ZNF385B: variants seen among roughly 807,000 people sequenced by gnomAD.
ZNF385B encodes zinc finger protein 533.
In ZNF385B, 23 loss-of-function variants were observed where a neutral mutation model predicts 39.2. The observed-to-expected ratio is 0.59, with a 90% CI of 0.42 to 0.83. The LOEUF (loss-of-function observed/expected upper bound fraction) is 0.83. ZNF385B is among the 40% of genes least tolerant of loss of function. The pLI, the probability that ZNF385B is intolerant of heterozygous loss-of-function variation, is 0.00. For missense variants in ZNF385B, 552 were observed against 598.9 expected (o/e 0.92, Z 0.82); for synonymous variants, 205 against 222.6 (o/e 0.92, Z 0.70).
intron 3 of ZNF385B, among the ~76,000 whole-genome samples, chr2:179,685,312 C>T (rs1697836398): frequency 6.6e-6 from 1 of 152,184 alleles, no homozygotes; most frequent in African/African-American, 2.4e-5. Context: ...TCCAGATCAT[C>T]AATCTTCATT....
At chr2:179,540,563 A>T (rs2059856815) in intron 4 of ZNF385B, among the ~76,000 whole-genome samples, 1 of 152,232 alleles carries the variant, frequency 6.6e-6, no homozygotes. Flanking sequence ...GCCTGGTCTT[A>T]GAAGGGACTC....
At chr2:179,638,939 T>A (rs1227710653) in intron 3 of ZNF385B, among the ~76,000 whole-genome samples, 41 of 151,888 alleles carry the variant, frequency 2.7e-4, no homozygotes, top group African/African-American at 8.7e-4. Flanking sequence ...TGGGAAATGG[T>A]CAGGGTCAGT....
In ZNF385B at chr2:179,769,671, T is replaced by C. The variant is rs770399822; in HGVS notation, c.130A>G (p.Lys44Glu). 2.5e-6 allele frequency: 4 copies of C among 1,614,178 alleles called. No individual in the cohort carries two copies. The Admixed American group carries it at 6.7e-5, about 27-fold the overall frequency. The change falls in exon 3 of 10, where the codon AAG becomes GAG. Residue 44 changes from lysine to glutamate, a missense_variant. Lys to Glu is a moderately conservative substitution (Grantham distance 56). Transcript: ENST00000410066. ...RPEDQLSKEKKKILFSFCEVC... is the reference protein window; with the variant it reads ...RPEDQLSKEKEKILFSFCEVC... ...TCACAGAAGGAGAAAAGAATTTTCT[T>C]TTTCTCTTTGCTCAACTGGTCCTCA...
At chr2:179,824,905 G>A (rs1707597542) in intron 1 of ZNF385B, among the ~76,000 whole-genome samples, 1 of 151,888 alleles carries the variant, frequency 6.6e-6, no homozygotes, top group Admixed American at 6.6e-5. Flanking sequence ...TTGGCAACAT[G>A]TATATCCTAA....
chr2:179,745,603 A>C, intron 3 of ZNF385B: 1 of 955,174 alleles, frequency 1.0e-6, no homozygotes, highest in South Asian at 2.8e-5. Flanking sequence ...GTGTCAGCAC[A>C]ATGTGATAAA....
chr2:179,740,702 C>T lies in ZNF385B; in HGVS notation c.298+28801G>A, dbSNP rs181050831. On this transcript the variant is annotated intron_variant, in intron 3 of 9. Transcript: ENST00000410066. Reference sequence around the variant, plus strand: ...ATGCCAACATGGGGACGGGAGTAGACTATTTAAGGTAAAAAGGGATCAGAA... The same window carrying T: ...ATGCCAACATGGGGACGGGAGTAGATTATTTAAGGTAAAAAGGGATCAGAA... Among the ~76,000 whole-genome samples, 267 of 152,144 alleles carry T rather than the reference C, an allele frequency of 1.8e-3. 4 individuals are homozygous for T. Among genetic ancestry groups the T allele is most frequent in the Non-Finnish European group, 5.3e-4 (36 of 67,996 alleles).
At chr2:179,717,007 C>G (rs999634331) in intron 3 of ZNF385B, among the ~76,000 whole-genome samples, 27 of 152,112 alleles carry the variant, frequency 1.8e-4, no homozygotes, top group Admixed American at 6.5e-5. Flanking sequence ...AATTACCAAC[C>G]CACAGATACT....
At chr2:179,698,772 A>G (rs1348720329) in intron 3 of ZNF385B, among the ~76,000 whole-genome samples, 1 of 152,190 alleles carries the variant, frequency 6.6e-6, no homozygotes, top group African/African-American at 2.4e-5. Flanking sequence ...TTTTTATTGA[A>G]TAATCTCCTT....
At chr2:179,818,225 T>C (rs1440255666) in intron 1 of ZNF385B, among the ~76,000 whole-genome samples, 1 of 152,174 alleles carries the variant, frequency 6.6e-6, no homozygotes, top group East Asian at 1.9e-4. Flanking sequence ...ATCATACAAG[T>C]GCAGTTTTAT....
At chr2:179,715,382 T>C (rs1196897435) in intron 3 of ZNF385B, among the ~76,000 whole-genome samples, 3 of 152,206 alleles carry the variant, frequency 2.0e-5, no homozygotes, top group Admixed American at 2.0e-4. Context: ...ATGTCTAAGA[T>C]GTCATATACA....
intron 3 of ZNF385B, among the ~76,000 whole-genome samples, chr2:179,743,482 A>G (rs1702195945): frequency 6.6e-6 from 1 of 152,086 alleles, no homozygotes; most frequent in Admixed American, 6.6e-5. Context: ...AAAATCATGA[A>G]ATTCAGGATT....
At chr2:179,795,824 A>C (rs1559202069) in intron 1 of ZNF385B, among the ~76,000 whole-genome samples, 1 of 152,172 alleles carries the variant, frequency 6.6e-6, no homozygotes, top group South Asian at 2.1e-4. Flanking sequence ...TAAATTATGA[A>C]GCAATCCCCA....
chr2:179,522,468 A>T lies in ZNF385B; in HGVS notation c.442-3830T>A, dbSNP rs917805006. Among the ~76,000 whole-genome samples, 3 of 152,180 alleles carry T rather than the reference A, an allele frequency of 2.0e-5. No homozygotes were observed. In the East Asian group the frequency reaches 5.8e-4, roughly 29 times the overall value. ...TAAAAAGTTCAGGATTAATAAAAAC[A>T]TTATCATAAATCTTAAAATGTGATA... On this transcript the variant is annotated intron_variant, in intron 4 of 9. Coordinates refer to ENST00000410066, the MANE Select transcript of ZNF385B (RefSeq NM_152520.6).
At chr2:179,795,561 T>G (rs566059192) in intron 1 of ZNF385B, among the ~76,000 whole-genome samples, 189 of 152,324 alleles carry the variant, frequency 1.2e-3, no homozygotes, top group African/African-American at 4.3e-3. Context: ...CCCTCATAAA[T>G]TATAAATAAT....
intron 3 of ZNF385B, among the ~76,000 whole-genome samples, chr2:179,619,785 T>C (rs1281950594): frequency 2.6e-5 from 4 of 152,178 alleles, no homozygotes; most frequent in Admixed American, 2.6e-4. Flanking sequence ...ATTTCCAAAC[T>C]AGGTAGTATG....
intron 3 of ZNF385B, among the ~76,000 whole-genome samples, chr2:179,630,652 A>G (rs905807498): frequency 2.6e-5 from 4 of 152,218 alleles, no homozygotes; most frequent in Non-Finnish European, 5.9e-5. Context: ...CAATGGAACA[A>G]AGCTGGACAG....
At chr2:179,623,972 T>C (rs1388041182) in intron 3 of ZNF385B, among the ~76,000 whole-genome samples, 2 of 152,190 alleles carry the variant, frequency 1.3e-5, no homozygotes, top group Non-Finnish European at 1.5e-5. Flanking sequence ...TCTGCAACCA[T>C]ATTTTTTAAA....
At chr2:179,859,811 T>C (rs1472226177) in intron 1 of ZNF385B, among the ~76,000 whole-genome samples, 1 of 152,222 alleles carries the variant, frequency 6.6e-6, no homozygotes, top group African/African-American at 2.4e-5. Flanking sequence ...GGCATTTATC[T>C]GTTACAGGGA....
intron 3 of ZNF385B, among the ~76,000 whole-genome samples, chr2:179,690,329 T>C (rs1248772124): frequency 1.3e-5 from 2 of 152,132 alleles, no homozygotes; most frequent in African/African-American, 4.8e-5. Context: ...AATTGTACAG[T>C]AGTCCCTCAG....
Sources: allele counts gnomAD v4.1 joint callset (sites outside exome capture counted in the v4.1 genomes callset), GRCh38; gene constraint gnomAD v4.1.1; transcripts MANE v1.5; gene names NCBI Gene and HGNC (gene_info 2026-07-23, HGNC 2026-07-21).